Variants in GPHN observed in about 807,000 individuals in gnomAD.
GPHN encodes gephyrin.
Under a neutral mutation model 95.5 loss-of-function variants are expected in GPHN, and 17 were observed. The observed-to-expected ratio is 0.18, with a 90% CI of 0.12 to 0.27. The LOEUF is 0.27. Ranked by LOEUF, GPHN falls within the 10% of genes least tolerant of loss-of-function variation. The pLI is 1.00. For synonymous variants in GPHN, 320 were observed against 322.5 expected, an observed-to-expected ratio of 0.99 and a Z score of 0.08; for missense variants, 660 against 978.1, an observed-to-expected ratio of 0.67 and a Z score of 4.34.
the GPHN span, chr14:67,642,202 CTT>C: frequency 2.5e-6 from 4 of 1,614,048 alleles, no homozygotes; most frequent in Admixed American, 3.3e-5. Context: ...ACCTAAAAGA[CTT>C]TGGAGATTTG....
chr14:66,715,202 T>C (rs965124948), intron 2 of GPHN, among the ~76,000 whole-genome samples: 1 of 152,192 alleles, frequency 6.6e-6, no homozygotes, highest in African/African-American at 2.4e-5. Flanking sequence ...TGATTTAAGG[T>C]AGGAGGGTTG....
chr14:66,857,460 G>A (rs1033746575), intron 4 of GPHN, among the ~76,000 whole-genome samples: 1 of 152,156 alleles, frequency 6.6e-6, no homozygotes, highest in Non-Finnish European at 1.5e-5. Context: ...GATCACTTAC[G>A]TAGAAATGAC....
chr14:66,789,881 A>G (rs2059911902), intron 3 of GPHN, among the ~76,000 whole-genome samples: 1 of 152,160 alleles, frequency 6.6e-6, no homozygotes, highest in African/African-American at 2.4e-5. Flanking sequence ...TATATTTCCT[A>G]CCCAGTTGTT....
chr14:66,717,772 T>G (rs2070324752), intron 2 of GPHN, among the ~76,000 whole-genome samples: 2 of 152,180 alleles, frequency 1.3e-5, no homozygotes, highest in Non-Finnish European at 2.9e-5. Context: ...GATGGTTATC[T>G]CTCTTCTTGG....
the GPHN span, chr14:67,691,209 C>T: frequency 6.2e-7 from 1 of 1,614,014 alleles, no homozygotes; most frequent in Non-Finnish European, 8.5e-7. Context: ...ATCATCACTC[C>T]TGCATTGTTG....
At chr14:67,420,006 GA>G in the GPHN span, among the ~76,000 whole-genome samples, 1 of 152,208 alleles carries the variant, frequency 6.6e-6, no homozygotes, top group Non-Finnish European at 1.5e-5. Flanking sequence ...TTCATTTTAA[GA>G]AATCTCTCAC....
At chr14:67,634,336 T>G in the GPHN span, among the ~76,000 whole-genome samples, 1 of 150,774 alleles carries the variant, frequency 6.6e-6, no homozygotes, top group African/African-American at 2.4e-5. Context: ...CTCACACCTG[T>G]AACCCCAGCA....
the GPHN span, among the ~76,000 whole-genome samples, chr14:67,448,632 G>A: frequency 0.014 from 2,155 of 152,106 alleles, 57 homozygotes; most frequent in African/African-American, 0.05. Flanking sequence ...TGGAGGGATG[G>A]TGGGGGGCTG....
At chr14:67,552,071 G>A in the GPHN span, among the ~76,000 whole-genome samples, 2 of 152,312 alleles carry the variant, frequency 1.3e-5, no homozygotes, top group Admixed American at 1.3e-4. Flanking sequence ...ACACTTGGGG[G>A]TTAAATACCA....
the GPHN span, among the ~76,000 whole-genome samples, chr14:67,464,322 C>T: frequency 6.6e-6 from 1 of 152,046 alleles, no homozygotes; most frequent in East Asian, 1.9e-4. Flanking sequence ...CTGGCCTGTG[C>T]CCCCATCCTC....
At chr14:66,526,906 T>C (rs1353913366) in intron 1 of GPHN, among the ~76,000 whole-genome samples, 1 of 152,220 alleles carries the variant, frequency 6.6e-6, no homozygotes, top group Non-Finnish European at 1.5e-5. Flanking sequence ...TTTGCACTGA[T>C]GTTCATCAGG....
chr14:66,758,072 A>T (rs931140900), intron 2 of GPHN, among the ~76,000 whole-genome samples: 2 of 152,216 alleles, frequency 1.3e-5, no homozygotes, highest in South Asian at 2.1e-4. Context: ...TATGCAAAAA[A>T]GGTTAAAGTG....
chr14:67,563,294 T>C, the GPHN span, among the ~76,000 whole-genome samples: 1 of 152,240 alleles, frequency 6.6e-6, no homozygotes. Context: ...GTGCCTCAGC[T>C]TCCCTGTCTA....
At position 66,582,376 on chromosome 14, in the gene GPHN, CATTTT is replaced by C. The variant is rs141449015; in HGVS notation, c.64+73807_64+73811del. The stretch of plus-strand genomic sequence containing the variant: ...CAAAAATTATGGGATGCAACAAAAG[CATTTT>C]ATTTTATTTTATTTTATTTTACTTT... On this transcript the variant is annotated intron_variant, in intron 1 of 22. Transcript: ENST00000478722. Among the ~76,000 whole-genome samples the C allele has an allele frequency of 5.5e-3, 826 of 151,394 alleles. 18 individuals carry two copies. Among genetic ancestry groups the C allele is most frequent in the Admixed American group, 0.042 (636 of 15,194 alleles).
intron 1 of GPHN, among the ~76,000 whole-genome samples, chr14:66,575,909 G>C (rs1451502592): frequency 6.6e-6 from 1 of 152,160 alleles, no homozygotes; most frequent in East Asian, 1.9e-4. Flanking sequence ...GCTGGACACT[G>C]GGGCAGGCCT....
intron 9 of GPHN, among the ~76,000 whole-genome samples, chr14:66,987,038 G>A (rs2071073644): frequency 6.6e-6 from 1 of 152,112 alleles, no homozygotes. Flanking sequence ...TTATTAAAAT[G>A]TTATTTCACC....
chr14:67,348,133 G>A, the GPHN span, among the ~76,000 whole-genome samples: 1 of 151,780 alleles, frequency 6.6e-6, no homozygotes, highest in South Asian at 2.1e-4. Context: ...GGAGTACAAT[G>A]GCGCAATCTC....
intron 1 of GPHN, among the ~76,000 whole-genome samples, chr14:66,666,463 C>T (rs575557917): frequency 1.3e-5 from 2 of 150,942 alleles, no homozygotes; most frequent in South Asian, 4.2e-4. Context: ...CCCTGGGATG[C>T]AAACTTGGTT....
rs371079541 is a variant in GPHN, at chr14:66,760,892, G to C, written c.144-15572G>C. On this transcript the variant is annotated intron_variant, in intron 2 of 22. Coordinates refer to ENST00000478722, the MANE Select transcript of GPHN (RefSeq NM_020806.5). Reference sequence around the variant, plus strand: ...AAGAAAAAGAGCGACAGAAAGTTCAGGATATCAAAGAAGTCAAGCAAAACA... The same window carrying C: ...AAGAAAAAGAGCGACAGAAAGTTCACGATATCAAAGAAGTCAAGCAAAACA... The C allele has an allele frequency of 3.2e-6, 3 of 950,408 alleles. No individual in the cohort carries two copies. The South Asian group carries it at 3.8e-5, about 12-fold the overall frequency. The allele number at this position is 950,408 out of a possible 1,614,324, so 58.9% of individuals were successfully genotyped here. A position where few individuals can be genotyped will look rare whatever the true frequency, so the allele number is the denominator to read the frequency against.
Sources: allele counts gnomAD v4.1 joint callset (sites outside exome capture counted in the v4.1 genomes callset), GRCh38; gene constraint gnomAD v4.1.1; transcripts MANE v1.5; gene names NCBI Gene and HGNC (gene_info 2026-07-23, HGNC 2026-07-21).